Variants in METTL2B observed in about 807,000 individuals in gnomAD.
METTL2B encodes the protein tRNA N(3)-cytidine methyltransferase METTL2B.
METTL2B carries 28 observed loss-of-function variants against 51.0 expected under a neutral mutation model. That is an observed-to-expected ratio of 0.55 (90% CI 0.41 to 0.75). METTL2B has a LOEUF of 0.75. Among genes scored for constraint, METTL2B ranks in the 30% least tolerant of loss-of-function variants. The pLI, the probability that METTL2B is intolerant of heterozygous loss-of-function variation, is 0.00. For synonymous variants in METTL2B, 128 were observed against 166.3 expected (o/e 0.77, Z 1.77); for missense variants, 313 against 460.7 (o/e 0.68, Z 2.93).
intron 7 of METTL2B, among the ~76,000 whole-genome samples, chr7:128,500,621 C>T (rs1793011322): frequency 6.7e-6 from 1 of 148,838 alleles, no homozygotes; most frequent in African/African-American, 2.4e-5. Context: ...AACTCTGTCT[C>T]AAAAAAAATA....
At chr7:128,499,364 T>C (rs867594692) in intron 7 of METTL2B, among the ~76,000 whole-genome samples, 2 of 152,220 alleles carry the variant, frequency 1.3e-5, no homozygotes, top group Admixed American at 6.5e-5. Context: ...ACAGCCTTTT[T>C]TTTTTCAGAT....
chr7:128,477,131 G>T lies in METTL2B; in HGVS notation c.160G>T (p.Val54Phe). Residue 54 changes from valine (V) to phenylalanine (F), a missense_variant, in exon 2 of 9, where the codon GTC (valine) becomes TTC (phenylalanine). By Grantham distance (50) the Val-to-Phe change is conservative. Around this residue, in one of 4 missense-constraint regions of METTL2B, gnomAD observed 67 missense variants for 101.4 expected, o/e 0.66. Coordinates refer to ENST00000262432, the MANE Select transcript of METTL2B (RefSeq NM_018396.3). ...GCAAGCCGCGGCGGCGGAGAGAAAA[G>T]TCCAGGAGAACAGTATCCAGCGGGT... ...EEQAAAAERK[V>F]QENSIQRVCQ... 1 of 1,614,072 alleles carries T rather than the reference G, an allele frequency of 6.2e-7. No individual in the cohort carries two copies. The highest frequency in any genetic ancestry group is 8.5e-7 in the Non-Finnish European group (1 of 1,179,958).
chr7:128,493,891 A>G lies in METTL2B; in HGVS notation c.757A>G (p.Ser253Gly), dbSNP rs748209056. 9.9e-6 allele frequency: 16 copies of G among 1,611,528 alleles called. No homozygotes were observed. The East Asian group carries it at 3.6e-4, about 36-fold the overall frequency. Reference sequence around the variant, plus strand: ...GAAGAGTTACCCAGTGCCCAAGGGCAGTCTTGATATTATCATTCTCATATT... The same window carrying G: ...GAAGAGTTACCCAGTGCCCAAGGGCGGTCTTGATATTATCATTCTCATATT... ...EEKSYPVPKG[S>G]LDIIILIFVL... is the part of the protein sequence containing the mutation. The change falls in exon 6 of 9, where the codon AGT (serine) becomes GGT (glycine). Residue 253 changes from serine (S) to glycine (G), a missense_variant. Physicochemically the swap from Ser to Gly is moderately conservative, Grantham distance 56 (BLOSUM62 0). Transcript: ENST00000262432.
intron 4 of METTL2B, 138 bp downstream of exon 4, chr7:128,480,834 C>T: frequency 3.8e-6 from 4 of 1,048,864 alleles, no homozygotes; most frequent in East Asian, 5.1e-5. Context: ...TGAGACCAGC[C>T]AGGGCAATGT....
Position 128,501,979 on chromosome 7 carries a change from T to A in METTL2B, c.*63T>A, listed in dbSNP as rs35586323. On this transcript the variant is annotated 3_prime_UTR_variant, in exon 9 of 9. Coordinates refer to ENST00000262432, the MANE Select transcript of METTL2B (RefSeq NM_018396.3). ...TTTCCGAGCTTTTTTAAAAAAAAAT[T>A]TGTAGCACCGGGCATGGTGCATGCC... 1.9e-5 allele frequency: 30 copies of A among 1,601,200 alleles called. No homozygotes were observed. Among genetic ancestry groups the A allele is most frequent in the Non-Finnish European group, 2.5e-5 (29 of 1,172,010 alleles).
Position 128,501,986 on chromosome 7 carries a change from A to G in METTL2B, c.*70A>G, listed in dbSNP as rs1584799164. The G allele has an allele frequency of 6.3e-7, 1 of 1,594,670 alleles. No homozygotes were observed. The highest frequency in any genetic ancestry group is 1.7e-5 in the Admixed American group (1 of 58,604). ...GCTTTTTTAAAAAAAAATTTGTAGC[A>G]CCGGGCATGGTGCATGCCTGTAATC... is the stretch of plus-strand genomic sequence containing the variant. On this transcript the variant is annotated 3_prime_UTR_variant, in exon 9 of 9. Coordinates refer to ENST00000262432, the MANE Select transcript of METTL2B (RefSeq NM_018396.3).
chr7:128,504,471 G>A lies in METTL2B; in HGVS notation c.*2555G>A, dbSNP rs1793084099. On this transcript the variant is annotated 3_prime_UTR_variant, in exon 9 of 9. Transcript: ENST00000262432. ...AAGTTTAAGTGATTCTCCTGCCTCA[G>A]CCTCCCAAGTAGCTGGAATTACAGG... The A allele has an allele frequency of 6.7e-6, 1 of 149,728 alleles. No homozygotes were observed. 9.3% of individuals were successfully genotyped at this position (149,728 alleles called of 1,614,324 possible).
At chr7:128,492,112 C>T (rs543060165) in intron 5 of METTL2B, among the ~76,000 whole-genome samples, 1 of 151,894 alleles carries the variant, frequency 6.6e-6, no homozygotes, top group Non-Finnish European at 1.5e-5. Flanking sequence ...GATTCTCCCA[C>T]CTCCTGTGTA....
At chr7:128,498,398 C>T (rs758497334) in intron 7 of METTL2B, among the ~76,000 whole-genome samples, 2 of 151,400 alleles carry the variant, frequency 1.3e-5, no homozygotes, top group Non-Finnish European at 2.9e-5. Context: ...ATGTAGATGA[C>T]GGGTAGATAG....
intron 3 of METTL2B, 52 bp downstream of exon 3, chr7:128,479,565 C>G: frequency 6.4e-7 from 1 of 1,569,144 alleles, no homozygotes; most frequent in East Asian, 2.2e-5. Context: ...TATATTTGTG[C>G]ACATGAGGTA....
chr7:128,498,772 G>T (rs903067029), intron 7 of METTL2B, among the ~76,000 whole-genome samples: 1 of 152,146 alleles, frequency 6.6e-6, no homozygotes, highest in Non-Finnish European at 1.5e-5. Context: ...GCCGAGTCGG[G>T]CAGATCACCT....
intron 4 of METTL2B, among the ~76,000 whole-genome samples, chr7:128,486,942 G>A (rs1243573470): frequency 6.6e-6 from 1 of 152,334 alleles, no homozygotes; most frequent in Admixed American, 6.5e-5. Context: ...GGCAGATGCA[G>A]CTGCCTGGCT....
At chr7:128,484,737 C>T (rs1377365208) in intron 4 of METTL2B, among the ~76,000 whole-genome samples, 88 of 152,118 alleles carry the variant, frequency 5.8e-4, no homozygotes, top group Middle Eastern at 3.4e-3. Context: ...GGATTACAAG[C>T]GCCCGCCACC....
At chr7:128,489,452 GA>G (rs1460029024) in intron 5 of METTL2B, among the ~76,000 whole-genome samples, 3 of 150,066 alleles carry the variant, frequency 2.0e-5, no homozygotes, top group Non-Finnish European at 4.4e-5. Flanking sequence ...AAAAAAGGGA[GA>G]AAGAAAAAAA....
chr7:128,477,405 G>A (rs1173769302), intron 2 of METTL2B, among the ~76,000 whole-genome samples: 1 of 152,062 alleles, frequency 6.6e-6, no homozygotes, highest in African/African-American at 2.4e-5. Flanking sequence ...TTTGGAGGAG[G>A]GTAATTTTGT....
intron 5 of METTL2B, among the ~76,000 whole-genome samples, chr7:128,491,723 C>T (rs1321485923): frequency 2.1e-5 from 3 of 143,842 alleles, no homozygotes; most frequent in Admixed American, 7.2e-5. Flanking sequence ...GCTGAGATCG[C>T]ACCACTCCAG....
Position 128,503,518 on chromosome 7 carries a change from CTCGAACT to C in METTL2B, c.*1605_*1611del. On this transcript the variant is annotated 3_prime_UTR_variant, in exon 9 of 9. Transcript: ENST00000262432. ...TGGTGCAATGATAGCTCATTATCAC[CTCGAACT>C]TCTGGCTTGAGCCATCGCTCCACCT... is the stretch of plus-strand genomic sequence containing the variant. The C allele has an allele frequency of 6.6e-6, 1 of 151,112 alleles. No homozygotes were observed. The highest frequency in any genetic ancestry group is 2.1e-4 in the South Asian group (1 of 4,786). The allele number at this position is 151,112 out of a possible 1,614,324, so 9.4% of individuals were successfully genotyped here. A position where few individuals can be genotyped will look rare whatever the true frequency, so the allele number is the denominator to read the frequency against.
chr7:128,501,244 G>C (rs1385469518), intron 8 of METTL2B: 39 of 985,276 alleles, frequency 4.0e-5, no homozygotes, highest in Non-Finnish European at 4.7e-5. Flanking sequence ...ACTCTGCAAG[G>C]CTCACCTCCA....
At chr7:128,501,062 T>C in intron 8 of METTL2B, 94 bp downstream of exon 8, 1 of 1,579,766 alleles carries the variant, frequency 6.3e-7, no homozygotes, top group Non-Finnish European at 8.6e-7. Flanking sequence ...CCCTCCTGCC[T>C]TTTAGGCAGG....
Sources: gnomAD v4.1 joint callset for allele counts (sites outside exome capture counted in the v4.1 genomes callset) on GRCh38, gnomAD v4.1.1 for gene constraint, gnomAD v4.1.1 regional missense constraint, MANE v1.5 for transcripts, NCBI Gene and HGNC (gene_info 2026-07-23, HGNC 2026-07-21) for gene names.